The following PIEZO2 variants were observed in gnomAD, a reference collection of about 807,000 sequenced individuals.
PIEZO2 encodes the protein piezo-type mechanosensitive ion channel component 2.
Under a neutral mutation model 337.3 loss-of-function variants are expected in PIEZO2, and 172 were observed. The ratio of observed to expected loss-of-function variants is 0.51; its 90% CI spans 0.45 to 0.58. The LOEUF is 0.58. Among genes scored for constraint, PIEZO2 ranks in the 20% least tolerant of loss-of-function variants. PIEZO2 has a pLI of 0.00. For synonymous variants in PIEZO2, 1,251 were observed against 1,228.5 expected (o/e 1.02, Z -0.38); for missense variants, 3,028 against 3,391.3 (o/e 0.89, Z 2.66).
chr18:11,046,918 G>T (rs2037338266), intron 2 of PIEZO2, among the ~76,000 whole-genome samples: 1 of 152,170 alleles, frequency 6.6e-6, no homozygotes, highest in South Asian at 2.1e-4. Context: ...TCAGGAAATT[G>T]TGTATTGCTC....
chr18:11,118,837 A>G (rs190155624), intron 1 of PIEZO2, among the ~76,000 whole-genome samples: 83 of 152,320 alleles, frequency 5.4e-4, no homozygotes, highest in Middle Eastern at 3.4e-3. Flanking sequence ...AATATCTTAG[A>G]TAACGGTTGC....
rs975223068 is a variant in PIEZO2 at position 10,941,337 on chromosome 18, A to T, written c.287-30109T>A. ...AGATAATAATACAGAACACTCTGAG[A>T]TGATTATCAATCCCCGCTTACACCC... is the stretch of plus-strand genomic sequence containing the variant. On this transcript the variant is annotated intron_variant, in intron 3 of 55. Coordinates refer to ENST00000674853, the MANE Select transcript of PIEZO2 (RefSeq NM_001378183.1). Among the ~76,000 whole-genome samples the T allele has an allele frequency of 2.6e-5, 4 of 152,300 alleles. No homozygotes were observed. In the East Asian group the frequency reaches 7.7e-4, roughly 29 times the overall value.
At chr18:10,704,181 G>C in intron 42 of PIEZO2, 1 of 625,312 alleles carries the variant, frequency 1.6e-6, no homozygotes, top group Non-Finnish European at 2.7e-6. Context: ...CGTGAGGTGT[G>C]CAGTGTGAAA....
rs1193468562 is a variant in PIEZO2 at position 10,929,062 on chromosome 18, C to A, written c.287-17834G>T. Among the ~76,000 whole-genome samples, 1 of 152,122 alleles carries A rather than the reference C, an allele frequency of 6.6e-6. No homozygotes were observed. Among genetic ancestry groups the A allele is most frequent in the Non-Finnish European group, 1.5e-5 (1 of 68,030 alleles). On this transcript the variant is annotated intron_variant, in intron 3 of 55. Transcript: ENST00000674853. The surrounding 1 kb of genome is among the most constrained non-coding windows in gnomAD (Gnocchi z 5.6). ...ACTCAAAATGATTTACGGTACTTTG[C>A]TGAGGTTTTGGCTGACTGTGGTCTC...
At chr18:10,776,621 A>G (rs2038797106) in intron 18 of PIEZO2, among the ~76,000 whole-genome samples, 1 of 152,218 alleles carries the variant, frequency 6.6e-6, no homozygotes. Context: ...TCTGTTTCCC[A>G]ATGGTCTCAG....
chr18:10,962,301 G>A lies in PIEZO2; in HGVS notation c.286+17234C>T, dbSNP rs192352. Among the ~76,000 whole-genome samples the A allele has an allele frequency of 0.52, 78,308 of 151,942 alleles. 20,489 individuals carry two copies. Among genetic ancestry groups the A allele is most frequent in the African/African-American group, 0.57 (23,801 of 41,412 alleles). ...CCCATCCATTCTGCATCTCCCCTCC[G>A]CTTGCCTGCAGCTTTTCCTGGTCAC... On this transcript the variant is annotated intron_variant, in intron 3 of 55. Coordinates refer to ENST00000674853, the MANE Select transcript of PIEZO2 (RefSeq NM_001378183.1). This position sits in a 1 kb window ranked among gnomAD's most constrained non-coding sequence, Gnocchi z 4.1.
chr18:11,138,851 G>A (rs1003074053), intron 1 of PIEZO2, among the ~76,000 whole-genome samples: 1 of 152,170 alleles, frequency 6.6e-6, no homozygotes, highest in Non-Finnish European at 1.5e-5. Flanking sequence ...AGGTAACCAT[G>A]AACCATAGCA....
chr18:10,899,615 G>A lies in PIEZO2; in HGVS notation c.329+11571C>T, dbSNP rs2042992488. Among the ~76,000 whole-genome samples, 1 of 152,114 alleles carries A rather than the reference G, an allele frequency of 6.6e-6. No homozygotes were observed. On this transcript the variant is annotated intron_variant, in intron 4 of 55. Coordinates refer to ENST00000674853, the MANE Select transcript of PIEZO2 (RefSeq NM_001378183.1). The surrounding 1 kb of genome is among the most constrained non-coding windows in gnomAD (Gnocchi z 4.6). The stretch of plus-strand genomic sequence containing the variant: ...AAATATGAAGCCTTCTCTTGTAGCT[G>A]CCTATTAGCACAATTCCCCTAAACA...
chr18:10,836,830 C>T (rs572583024), intron 7 of PIEZO2, among the ~76,000 whole-genome samples: 1 of 152,166 alleles, frequency 6.6e-6, no homozygotes, highest in Admixed American at 6.5e-5. Context: ...GAGGTAATAT[C>T]TGCACAGGTT....
At chr18:11,024,589 A>G (rs2036460767) in intron 2 of PIEZO2, among the ~76,000 whole-genome samples, 3 of 151,276 alleles carry the variant, frequency 2.0e-5, no homozygotes, top group South Asian at 4.2e-4. Context: ...AAAGGAAAGA[A>G]AGGGAGAGGG....
chr18:11,068,016 G>C (rs1231089746), intron 1 of PIEZO2, among the ~76,000 whole-genome samples: 1 of 152,192 alleles, frequency 6.6e-6, no homozygotes, highest in African/African-American at 2.4e-5. Flanking sequence ...CCGCCTCCCA[G>C]GTTCACGCCA....
chr18:10,758,871 G>A (rs973856323), intron 26 of PIEZO2, among the ~76,000 whole-genome samples: 3 of 152,212 alleles, frequency 2.0e-5, no homozygotes, highest in African/African-American at 7.2e-5. Context: ...AAGGGCTGAG[G>A]CCAAGCCTGC....
intron 4 of PIEZO2, among the ~76,000 whole-genome samples, chr18:10,900,994 A>C (rs557475802): frequency 1.0e-3 from 152 of 152,198 alleles, no homozygotes; most frequent in Non-Finnish European, 1.8e-3. Context: ...TTTTCAAATG[A>C]AAGAAAAGAA....
rs544373110 is a variant in PIEZO2 at position 11,051,526 on chromosome 18, A to G, written c.160+14601T>C. ...GCACATTTCTTCTCAACTAGCCCCC[A>G]ATAAATAACTGATTCTCCCAAGAAA... On this transcript the variant is annotated intron_variant, in intron 2 of 55. Transcript: ENST00000674853. Among the ~76,000 whole-genome samples the G allele has an allele frequency of 1.2e-4, 19 of 152,242 alleles. No homozygotes were observed. The South Asian group carries it at 3.7e-3, about 30-fold the overall frequency.
rs977153358 is a variant in PIEZO2 at position 10,753,970 on chromosome 18, T to C, written c.3924-1091A>G. 4.3e-4 allele frequency among the ~76,000 whole-genome samples: 66 copies of C among 152,230 alleles called. 4 individuals are homozygous for C. The highest frequency in any genetic ancestry group is 1.0e-4 in the Non-Finnish European group (7 of 68,036). On this transcript the variant is annotated intron_variant, in intron 27 of 55. Transcript: ENST00000674853. Reference sequence around the variant, plus strand: ...TCACAAATAAAGGTAGTGATTTGCATGAGCCTAGGGGCCTTCTGAAGTGTG... The same window carrying C: ...TCACAAATAAAGGTAGTGATTTGCACGAGCCTAGGGGCCTTCTGAAGTGTG...
At chr18:10,792,127 T>G (rs978255782) in intron 13 of PIEZO2, among the ~76,000 whole-genome samples, 3 of 152,178 alleles carry the variant, frequency 2.0e-5, no homozygotes, top group Non-Finnish European at 2.9e-5. Context: ...TTGTATTCTT[T>G]TAGTAGAGAC....
Position 10,714,959 on chromosome 18 carries a change from C to T in PIEZO2, c.5257-29G>A. 2.0e-6 allele frequency: 3 copies of T among 1,533,086 alleles called. No individual in the cohort carries two copies. In the African/African-American group the frequency reaches 4.1e-5, roughly 21 times the overall value. The allele number at this position is 1,533,086 out of a possible 1,614,324, so 95.0% of individuals were successfully genotyped here. A position where few individuals can be genotyped will look rare whatever the true frequency, so the allele number is the denominator to read the frequency against. ...AGGAGAATGAGACATTGCCACAGTTCTTATGGAGGCATCTACCTGTATAGC... is the reference window on the plus strand; with the variant it reads ...AGGAGAATGAGACATTGCCACAGTTTTTATGGAGGCATCTACCTGTATAGC... On this transcript the variant is annotated intron_variant, in intron 38 of 55. Transcript: ENST00000674853.
intron 7 of PIEZO2, among the ~76,000 whole-genome samples, chr18:10,849,759 ACAAAAC>A (rs1376497401): frequency 6.6e-6 from 1 of 152,258 alleles, no homozygotes; most frequent in Non-Finnish European, 1.5e-5. Flanking sequence ...CTATGAAAAT[ACAAAAC>A]CTTTGGAAGA....
rs2042669874 is a variant in PIEZO2 at position 10,888,494 on chromosome 18, A to G, written c.330-17079T>C. Among the ~76,000 whole-genome samples the G allele has an allele frequency of 1.3e-5, 2 of 152,048 alleles. No individual in the cohort carries two copies. On this transcript the variant is annotated intron_variant, in intron 4 of 55. Transcript: ENST00000674853. This position sits in a 1 kb window ranked among gnomAD's most constrained non-coding sequence, Gnocchi z 4.1. ...CTGGTATTCAGAGCTGGGCACTTGG[A>G]GTAGCATTGTTACGGGGGCGACATT...
Sources: gnomAD v4.1 joint callset for allele counts (sites outside exome capture counted in the v4.1 genomes callset) on GRCh38, gnomAD v4.1.1 for gene constraint, Gnocchi (gnomAD v3.1) non-coding constraint, MANE v1.5 for transcripts, NCBI Gene and HGNC (gene_info 2026-07-23, HGNC 2026-07-21) for gene names.